Variants in RRP15 observed in about 807,000 individuals in gnomAD.
RRP15 encodes the protein RRP15-like protein.
In RRP15, 18 loss-of-function variants were observed where a neutral mutation model predicts 27.1. The ratio of observed to expected loss-of-function variants is 0.66; its 90% CI spans 0.46 to 0.98. The LOEUF is 0.98. Among genes scored for constraint, RRP15 ranks in the 50% least tolerant of loss-of-function variants. RRP15 has a pLI of 0.00. For synonymous variants in RRP15, 107 were observed against 109.4 expected (o/e 0.98, Z 0.14); for missense variants, 359 against 337.8 (o/e 1.06, Z -0.49).
intron 2 of RRP15, among the ~76,000 whole-genome samples, chr1:218,303,463 A>G (rs1250685779): frequency 6.6e-6 from 1 of 152,236 alleles, no homozygotes; most frequent in Non-Finnish European, 1.5e-5. Context: ...TTAGAAACAC[A>G]GCATACTCTA....
intron 4 of RRP15, among the ~76,000 whole-genome samples, chr1:218,314,797 C>G (rs1656053993): frequency 6.6e-6 from 1 of 151,478 alleles, no homozygotes; most frequent in Non-Finnish European, 1.5e-5. Flanking sequence ...TCGAAACCAT[C>G]CTGGCCAACA....
At chr1:218,294,748 A>G (rs1655695110) in intron 1 of RRP15, among the ~76,000 whole-genome samples, 1 of 151,854 alleles carries the variant, frequency 6.6e-6, no homozygotes, top group South Asian at 2.1e-4. Context: ...CCCTTCCCAG[A>G]GGTTGGGGAA....
intron 1 of RRP15, among the ~76,000 whole-genome samples, chr1:218,293,173 C>T (rs1472836720): frequency 6.6e-6 from 1 of 151,942 alleles, no homozygotes; most frequent in Non-Finnish European, 1.5e-5. Context: ...CATAGGTGCA[C>T]ACCACCATGC....
At chr1:218,324,693 C>G (rs534941683) in intron 4 of RRP15, among the ~76,000 whole-genome samples, 1 of 152,304 alleles carries the variant, frequency 6.6e-6, no homozygotes, top group East Asian at 1.9e-4. Context: ...CTTACACAGT[C>G]TCTTCTCCTT....
intron 1 of RRP15, among the ~76,000 whole-genome samples, chr1:218,297,282 A>G (rs1655736158): frequency 6.6e-6 from 1 of 152,132 alleles, no homozygotes; most frequent in African/African-American, 2.4e-5. Flanking sequence ...AACACCTCAC[A>G]TGAATTCAAG....
chr1:218,307,762 G>A (rs1440971644), intron 4 of RRP15, 130 bp downstream of exon 4: 2 of 661,518 alleles, frequency 3.0e-6, no homozygotes, highest in African/African-American at 3.6e-5. Context: ...ATTCCTCCAT[G>A]CCCGCAACCT....
chr1:218,303,811 A>C (rs1365475571), intron 2 of RRP15, among the ~76,000 whole-genome samples: 2 of 142,792 alleles, frequency 1.4e-5, no homozygotes, highest in South Asian at 4.1e-4. Context: ...TATTTCTTAG[A>C]AGAGAATATG....
intron 1 of RRP15, chr1:218,301,564 G>A (rs766035081): frequency 2.6e-5 from 4 of 152,220 alleles, no homozygotes; most frequent in Non-Finnish European, 5.9e-5. Context: ...TAACCTGTAG[G>A]TGCTTTTTTT....
At chr1:218,299,640 C>G (rs1655779500) in intron 1 of RRP15, among the ~76,000 whole-genome samples, 1 of 152,116 alleles carries the variant, frequency 6.6e-6, no homozygotes, top group African/African-American at 2.4e-5. Flanking sequence ...GATTTTTCTG[C>G]TTTTAATCAC....
intron 1 of RRP15, among the ~76,000 whole-genome samples, chr1:218,296,177 TGAG>T (rs1010811233): frequency 6.6e-6 from 1 of 152,226 alleles, no homozygotes; most frequent in African/African-American, 2.4e-5. Flanking sequence ...AAATATTTAA[TGAG>T]TAGTTACATT....
At chr1:218,308,043 C>A (rs1655928546) in intron 4 of RRP15, among the ~76,000 whole-genome samples, 1 of 147,392 alleles carries the variant, frequency 6.8e-6, no homozygotes, top group Admixed American at 6.8e-5. Flanking sequence ...CTCCAGCTGC[C>A]TCAGTAGTTT....
intron 4 of RRP15, among the ~76,000 whole-genome samples, chr1:218,321,024 C>G (rs1224044368): frequency 6.6e-5 from 10 of 152,142 alleles, no homozygotes; most frequent in Admixed American, 6.5e-4. Flanking sequence ...AATTATCCCC[C>G]ACCCCAGCAA....
At chr1:218,311,048 C>T (rs1054254515) in intron 4 of RRP15, among the ~76,000 whole-genome samples, 1 of 152,116 alleles carries the variant, frequency 6.6e-6, no homozygotes, top group South Asian at 2.1e-4. Flanking sequence ...CATGCCCAGC[C>T]GAACAAGTCA....
chr1:218,300,174 G>A (rs1360062348), intron 1 of RRP15, among the ~76,000 whole-genome samples: 8 of 152,010 alleles, frequency 5.3e-5, no homozygotes, highest in Admixed American at 5.2e-4. Flanking sequence ...AGCTCTATTA[G>A]CATGATAGAA....
intron 2 of RRP15, 140 bp downstream of exon 2, chr1:218,302,699 GT>G: frequency 1.5e-6 from 2 of 1,323,478 alleles, no homozygotes; most frequent in East Asian, 2.3e-5. Context: ...GATAACTAAG[GT>G]TATGTTTAGG....
At chr1:218,300,529 T>G (rs1655796467) in intron 1 of RRP15, among the ~76,000 whole-genome samples, 1 of 152,204 alleles carries the variant, frequency 6.6e-6, no homozygotes, top group Admixed American at 6.5e-5. Flanking sequence ...AGTCAGGTCT[T>G]TTTATGGCTT....
At position 218,323,454 on chromosome 1, in the gene RRP15, G is replaced by A. The variant is rs147141051; in HGVS notation, c.706-7494G>A. 6.6e-3 allele frequency among the ~76,000 whole-genome samples: 1,007 copies of A among 152,292 alleles called. 6 individuals carry two copies. The highest frequency in any genetic ancestry group is 0.023 in the African/African-American group (950 of 41,562). ...TTCGGGGCTTTTTATGGGCCTTAGAGGAGAGGAACTGAGTACCAATTGGTC... is the reference window on the plus strand; with the variant it reads ...TTCGGGGCTTTTTATGGGCCTTAGAAGAGAGGAACTGAGTACCAATTGGTC... On this transcript the variant is annotated intron_variant, in intron 4 of 4. Transcript: ENST00000366932.
At chr1:218,325,280 A>T (rs1656255474) in intron 4 of RRP15, among the ~76,000 whole-genome samples, 1 of 152,102 alleles carries the variant, frequency 6.6e-6, no homozygotes, top group African/African-American at 2.4e-5. Flanking sequence ...ATTCATTCTC[A>T]TCCTGGCTGT....
intron 4 of RRP15, among the ~76,000 whole-genome samples, chr1:218,326,928 A>AC (rs752131848): frequency 6.6e-6 from 1 of 152,150 alleles, no homozygotes; most frequent in Non-Finnish European, 1.5e-5. Context: ...TTCCACTTCA[A>AC]CCCTTAACTT....
Sources: allele counts gnomAD v4.1 joint callset (sites outside exome capture counted in the v4.1 genomes callset), GRCh38; gene constraint gnomAD v4.1.1; transcripts MANE v1.5; gene names NCBI Gene and HGNC (gene_info 2026-07-23, HGNC 2026-07-21).